The following NCKAP5 variants were observed in gnomAD, a reference collection of about 807,000 sequenced individuals.
NCKAP5 encodes the protein nck-associated protein 5.
In NCKAP5, 92 loss-of-function variants were observed where a neutral mutation model predicts 167.0. The observed-to-expected ratio is 0.55, with a 90% CI of 0.47 to 0.66. NCKAP5 has a LOEUF of 0.66. Ranked by LOEUF, NCKAP5 falls within the 30% of genes least tolerant of loss-of-function variation. The pLI is 0.00. For missense variants in NCKAP5, 2,378 were observed against 2,315.0 expected, an observed-to-expected ratio of 1.03 and a Z score of -0.56; for synonymous variants, 891 against 877.4, an observed-to-expected ratio of 1.02 and a Z score of -0.27.
At chr2:133,403,887 A>ATGTGTGTG (rs138024785) in intron 3 of NCKAP5, among the ~76,000 whole-genome samples, 45 of 148,218 alleles carry the variant, frequency 3.0e-4, no homozygotes, top group Middle Eastern at 7.0e-3. Context: ...AGTCAGGTGG[A>ATGTGTGTG]TGTGTGTGTG....
Position 132,963,328 on chromosome 2 carries a change from T to C in NCKAP5, c.579+392A>G, listed in dbSNP as rs191473090. On this transcript the variant is annotated intron_variant, in intron 8 of 19. Transcript: ENST00000409261. ...TGCTTATAAAATCTCTGTGTGTGTG[T>C]GTCCAATCATCTTTACATACTATTA... 5.3e-5 allele frequency among the ~76,000 whole-genome samples: 8 copies of C among 152,326 alleles called. No homozygotes were observed. The East Asian group carries it at 1.5e-3, about 29-fold the overall frequency.
chr2:133,290,219 A>G (rs1679474051), intron 4 of NCKAP5, among the ~76,000 whole-genome samples: 1 of 152,162 alleles, frequency 6.6e-6, no homozygotes, highest in Non-Finnish European at 1.5e-5. Context: ...CATGTCTACA[A>G]TTGTTCTCTA....
intron 6 of NCKAP5, among the ~76,000 whole-genome samples, chr2:133,035,522 T>C (rs1368577476): frequency 6.6e-6 from 1 of 151,942 alleles, no homozygotes; most frequent in African/African-American, 2.4e-5. Context: ...ACAAAACAAG[T>C]CTGAAAACAC....
intron 5 of NCKAP5, among the ~76,000 whole-genome samples, chr2:133,175,957 TAGG>T (rs1170576646): frequency 6.6e-6 from 1 of 152,214 alleles, no homozygotes; most frequent in East Asian, 1.9e-4. Context: ...AAATCTTAAC[TAGG>T]AGTTTAATTT....
chr2:133,545,655 T>G (rs919248788), intron 2 of NCKAP5, among the ~76,000 whole-genome samples: 3 of 152,074 alleles, frequency 2.0e-5, no homozygotes, highest in African/African-American at 7.2e-5. Flanking sequence ...ATGCTTTCAT[T>G]GGCACTCACT....
intron 3 of NCKAP5, among the ~76,000 whole-genome samples, chr2:133,310,485 T>C (rs1240068703): frequency 6.6e-6 from 1 of 152,254 alleles, no homozygotes; most frequent in African/African-American, 2.4e-5. Flanking sequence ...CCTTGTCTTA[T>C]GACCAGTGCC....
intron 4 of NCKAP5, among the ~76,000 whole-genome samples, chr2:133,231,708 C>T (rs549769024): frequency 2.6e-4 from 39 of 152,178 alleles, no homozygotes; most frequent in African/African-American, 9.1e-4. Flanking sequence ...ACTAACGGTA[C>T]CTATGACTGC....
chr2:132,677,494 G>A (rs899342146), intron 19 of NCKAP5, among the ~76,000 whole-genome samples: 2 of 152,100 alleles, frequency 1.3e-5, no homozygotes, highest in Non-Finnish European at 2.9e-5. Context: ...AAACAGTCTT[G>A]TGGTCTTGAT....
chr2:133,048,506 A>G (rs1388896065), intron 6 of NCKAP5, among the ~76,000 whole-genome samples: 2 of 152,210 alleles, frequency 1.3e-5, no homozygotes, highest in East Asian at 1.9e-4. Flanking sequence ...CTCATCACCA[A>G]TGGTTTATAA....
At position 133,202,489 on chromosome 2, in the gene NCKAP5, G is replaced by T. The variant is rs546175561; in HGVS notation, c.207+11227C>A. Among the ~76,000 whole-genome samples, 5 of 152,160 alleles carry T rather than the reference G, an allele frequency of 3.3e-5. No homozygotes were observed. In the South Asian group the frequency reaches 6.2e-4, roughly 19 times the overall value. Reference sequence around the variant, plus strand: ...GACATAGGCATGGACAAGGACTTCAGGTCTAAAACACCAAAAGCAAAGATA... The same window carrying T: ...GACATAGGCATGGACAAGGACTTCATGTCTAAAACACCAAAAGCAAAGATA... On this transcript the variant is annotated intron_variant, in intron 5 of 19. Coordinates refer to ENST00000409261, the MANE Select transcript of NCKAP5 (RefSeq NM_207363.3).
intron 11 of NCKAP5, among the ~76,000 whole-genome samples, chr2:132,846,849 A>G (rs77203489): frequency 0.026 from 3,946 of 152,320 alleles, 166 homozygotes; most frequent in African/African-American, 0.088. Flanking sequence ...ACATGTAAGC[A>G]GAAATAACAG....
intron 3 of NCKAP5, among the ~76,000 whole-genome samples, chr2:133,450,360 C>G (rs1691474294): frequency 6.6e-6 from 1 of 152,130 alleles, no homozygotes; most frequent in Non-Finnish European, 1.5e-5. Flanking sequence ...TTCCTGAACA[C>G]AGTTGTTTTC....
chr2:133,015,081 G>A (rs1036319740), intron 6 of NCKAP5, among the ~76,000 whole-genome samples: 1 of 152,046 alleles, frequency 6.6e-6, no homozygotes, highest in African/African-American at 2.4e-5. Flanking sequence ...TAAGCCAGAT[G>A]GTAAAAGGCT....
rs548577913 is a variant in NCKAP5 at position 133,071,301 on chromosome 2, C to T, written c.341+58677G>A. 7.2e-5 allele frequency among the ~76,000 whole-genome samples: 11 copies of T among 152,172 alleles called. No individual in the cohort carries two copies. In the East Asian group the frequency reaches 1.7e-3, roughly 24 times the overall value. On this transcript the variant is annotated intron_variant, in intron 6 of 19. Coordinates refer to ENST00000409261, the MANE Select transcript of NCKAP5 (RefSeq NM_207363.3). The stretch of plus-strand genomic sequence containing the variant: ...TCTACTAAAAATACAAAAAATTAGC[C>T]GGGCGTAGTGGCGGGCGCCTGTAGT...
At chr2:132,960,605 C>T (rs990138326) in intron 8 of NCKAP5, among the ~76,000 whole-genome samples, 5 of 152,066 alleles carry the variant, frequency 3.3e-5, no homozygotes, top group African/African-American at 4.8e-5. Context: ...AATTGATTGA[C>T]GAATGTGAGT....
chr2:133,032,978 C>T (rs1182176854), intron 6 of NCKAP5, among the ~76,000 whole-genome samples: 2 of 152,148 alleles, frequency 1.3e-5, no homozygotes, highest in Non-Finnish European at 2.9e-5. Flanking sequence ...AAATCTGCCT[C>T]CATGATCCAA....
intron 4 of NCKAP5, among the ~76,000 whole-genome samples, chr2:133,257,030 A>G (rs2088653252): frequency 6.6e-6 from 1 of 152,238 alleles, no homozygotes; most frequent in South Asian, 2.1e-4. Flanking sequence ...TTGCAATTAT[A>G]CCATGACTTT....
intron 3 of NCKAP5, among the ~76,000 whole-genome samples, chr2:133,355,239 C>T: frequency 6.6e-6 from 1 of 152,128 alleles, no homozygotes; most frequent in Non-Finnish European, 1.5e-5. Flanking sequence ...TGTTTATGGC[C>T]TGACTGGGAT....
chr2:133,034,691 T>C (rs962407754), intron 6 of NCKAP5, among the ~76,000 whole-genome samples: 2 of 152,098 alleles, frequency 1.3e-5, no homozygotes, highest in Admixed American at 1.3e-4. Context: ...TGTTAAGTTG[T>C]TATCAGGTTA....
Sources: allele counts gnomAD v4.1 joint callset (sites outside exome capture counted in the v4.1 genomes callset), GRCh38; gene constraint gnomAD v4.1.1; transcripts MANE v1.5; gene names NCBI Gene and HGNC (gene_info 2026-07-23, HGNC 2026-07-21).